The following SLC16A12 variants were observed in gnomAD, a reference collection of about 807,000 sequenced individuals.
SLC16A12 encodes monocarboxylate transporter 12.
A neutral mutation model predicts 42.4 loss-of-function variants in SLC16A12; 17 were observed. The observed-to-expected ratio is 0.40, with a 90% CI of 0.27 to 0.60. The LOEUF is 0.60. SLC16A12 is among the 20% of genes least tolerant of loss of function. SLC16A12 has a pLI of 0.42. For missense variants in SLC16A12, 544 were observed against 623.0 expected, an observed-to-expected ratio of 0.87 and a Z score of 1.35; for synonymous variants, 224 against 229.4, an observed-to-expected ratio of 0.98 and a Z score of 0.21.
intron 2 of SLC16A12, among the ~76,000 whole-genome samples, chr10:89,470,771 C>A (rs1842479020): frequency 6.6e-6 from 1 of 152,180 alleles, no homozygotes; most frequent in Non-Finnish European, 1.5e-5. Flanking sequence ...CTAGAGAGCA[C>A]CAAGATGAGT....
intron 2 of SLC16A12, among the ~76,000 whole-genome samples, chr10:89,493,715 A>G (rs1177911759): frequency 6.6e-6 from 1 of 152,210 alleles, no homozygotes; most frequent in Non-Finnish European, 1.5e-5. Flanking sequence ...TCCCCTTTCC[A>G]TATAGTTATA....
At chr10:89,513,618 G>A (rs2133842647) in intron 2 of SLC16A12, among the ~76,000 whole-genome samples, 1 of 152,198 alleles carries the variant, frequency 6.6e-6, no homozygotes, top group South Asian at 2.1e-4. Flanking sequence ...AAACATCACA[G>A]AAGATAAAAA....
intron 2 of SLC16A12, among the ~76,000 whole-genome samples, chr10:89,527,481 T>C (rs989169085): frequency 3.5e-5 from 5 of 142,604 alleles, no homozygotes; most frequent in African/African-American, 1.4e-4. Context: ...AGACTCCACC[T>C]CAAAAAAAAA....
chr10:89,528,237 T>C (rs961602624), intron 2 of SLC16A12, among the ~76,000 whole-genome samples: 1 of 152,152 alleles, frequency 6.6e-6, no homozygotes, highest in Non-Finnish European at 1.5e-5. Context: ...TGCAATTGAA[T>C]AAAAACAGAA....
chr10:89,527,776 C>T (rs777929477), intron 2 of SLC16A12, among the ~76,000 whole-genome samples: 4 of 150,762 alleles, frequency 2.7e-5, no homozygotes, highest in Non-Finnish European at 5.9e-5. Context: ...TGCACTCCAG[C>T]CTGGGTGACA....
intron 5 of SLC16A12, among the ~76,000 whole-genome samples, chr10:89,439,855 C>G (rs937008308): frequency 6.6e-6 from 1 of 151,640 alleles, no homozygotes; most frequent in Non-Finnish European, 1.5e-5. Flanking sequence ...GCAGATCACT[C>G]GAGCTCAGGA....
intron 2 of SLC16A12, among the ~76,000 whole-genome samples, chr10:89,554,046 AAGAAAGAAAGAAAGAAAG>A (rs1361090865): frequency 3.9e-4 from 22 of 55,960 alleles, no homozygotes; most frequent in African/African-American, 1.5e-3. Flanking sequence ...GAAAGAAAGA[AAGAAAGAAAGAAAGAAAG>A]AAAGAAAGAA....
rs577096075 is a variant in SLC16A12 at position 89,463,980 on chromosome 10, C to G, written c.-46-1356G>C. On this transcript the variant is annotated intron_variant, in intron 2 of 7. Coordinates refer to ENST00000371790, the MANE Select transcript of SLC16A12 (RefSeq NM_213606.4). ...TGCTTCTACCCAACAGAATATGGCA[C>G]CTGTGATGGAACCTGACTCTCGTAA... Among the ~76,000 whole-genome samples the G allele has an allele frequency of 5.1e-4, 77 of 152,246 alleles. No homozygotes were observed. The South Asian group carries it at 0.015, about 30-fold the overall frequency.
Position 89,501,584 on chromosome 10 carries a change from A to G in SLC16A12, c.-47+32917T>C, listed in dbSNP as rs541210094. On this transcript the variant is annotated intron_variant, in intron 2 of 7. Transcript: ENST00000371790. ...AGGTCAACATGGCAAAACCCCATCT[A>G]TACTAAAAATACAAAAATTAGCTGA... Among the ~76,000 whole-genome samples the G allele has an allele frequency of 4.6e-5, 7 of 152,188 alleles. No homozygotes were observed. In the East Asian group the frequency reaches 1.4e-3, roughly 29 times the overall value.
At chr10:89,437,626 ACTT>A (rs144096228) in intron 6 of SLC16A12, among the ~76,000 whole-genome samples, 6,504 of 152,136 alleles carry the variant, frequency 0.043, 239 homozygotes, top group African/African-American at 0.1. Flanking sequence ...TTGCTCTTCC[ACTT>A]CTTCTTTAAC....
At chr10:89,533,359 T>G (rs940430654) in intron 2 of SLC16A12, among the ~76,000 whole-genome samples, 1 of 152,198 alleles carries the variant, frequency 6.6e-6, no homozygotes, top group Non-Finnish European at 1.5e-5. Context: ...CTTTGTTTTG[T>G]TCATTGACAT....
intron 2 of SLC16A12, among the ~76,000 whole-genome samples, chr10:89,484,109 C>G (rs1452524362): frequency 1.3e-5 from 2 of 152,142 alleles, no homozygotes; most frequent in African/African-American, 2.4e-5. Context: ...GGCAACATAG[C>G]AAGACACTGT....
At chr10:89,537,919 A>C (rs1226493174), upstream of SLC16A12, among the ~76,000 whole-genome samples, 1 of 152,238 alleles carries the variant, frequency 6.6e-6, no homozygotes, top group Non-Finnish European at 1.5e-5. Context: ...GTCTGATTCT[A>C]TCTCTGGCAG....
In SLC16A12 at chr10:89,481,187, T is replaced by C. The variant is rs530277548; in HGVS notation, c.-46-18563A>G. On this transcript the variant is annotated intron_variant, in intron 2 of 7. Coordinates refer to ENST00000371790, the MANE Select transcript of SLC16A12 (RefSeq NM_213606.4). ...GAAATACATATGCATAAGGACAAAATAAGAAATGAATGCACCAAAATAGAA... is the reference window on the plus strand; with the variant it reads ...GAAATACATATGCATAAGGACAAAACAAGAAATGAATGCACCAAAATAGAA... Among the ~76,000 whole-genome samples the C allele has an allele frequency of 1.4e-4, 21 of 152,192 alleles. No individual in the cohort carries two copies. The East Asian group carries it at 3.7e-3, about 27-fold the overall frequency.
At chr10:89,529,668 C>T (rs1054504288) in intron 2 of SLC16A12, among the ~76,000 whole-genome samples, 38 of 151,980 alleles carry the variant, frequency 2.5e-4, no homozygotes, top group Non-Finnish European at 3.7e-4. Flanking sequence ...CTGCCTCAGC[C>T]CCCCTAGTAG....
intron 2 of SLC16A12, among the ~76,000 whole-genome samples, chr10:89,552,775 C>G (rs945687002): frequency 2.6e-5 from 4 of 152,140 alleles, no homozygotes; most frequent in Non-Finnish European, 5.9e-5. Context: ...CGAACTAAGA[C>G]TTAGCAAAAC....
chr10:89,539,917 T>TTTTTTC (rs1843704242), upstream of SLC16A12, among the ~76,000 whole-genome samples: 7 of 136,950 alleles, frequency 5.1e-5, no homozygotes, highest in African/African-American at 1.9e-4. Flanking sequence ...TTCTTTTTTC[T>TTTTTTC]TTTTTTCTTT....
intron 5 of SLC16A12, among the ~76,000 whole-genome samples, chr10:89,440,458 A>C (rs1841887872): frequency 6.6e-6 from 1 of 152,150 alleles, no homozygotes; most frequent in African/African-American, 2.4e-5. Flanking sequence ...CGCCACACCA[A>C]TGGCACAATG....
upstream of SLC16A12, among the ~76,000 whole-genome samples, chr10:89,539,973 CTCTCTT>C: frequency 7.0e-6 from 1 of 143,740 alleles, no homozygotes; most frequent in South Asian, 2.2e-4. Context: ...TTCTTTCTTT[CTCTCTT>C]TCTTTCTTTC....
Sources: gnomAD v4.1 joint callset for allele counts (sites outside exome capture counted in the v4.1 genomes callset) on GRCh38, gnomAD v4.1.1 for gene constraint, MANE v1.5 for transcripts, NCBI Gene and HGNC (gene_info 2026-07-23, HGNC 2026-07-21) for gene names.